Variants in CLSTN1 observed in about 807,000 individuals in gnomAD.
CLSTN1 encodes the protein calsyntenin-1.
CLSTN1 carries 28 observed loss-of-function variants against 108.3 expected under a neutral mutation model. That is an observed-to-expected ratio of 0.26 (90% CI 0.19 to 0.35). The LOEUF (loss-of-function observed/expected upper bound fraction) is 0.35, where lower values mean the gene tolerates loss of function less well. Among genes scored for constraint, CLSTN1 ranks in the 10% least tolerant of loss-of-function variants. The pLI is 1.00. For synonymous variants in CLSTN1, 524 were observed against 534.9 expected (o/e 0.98, Z 0.28); for missense variants, 1,157 against 1,302.6 (o/e 0.89, Z 1.72).
Position 9,743,943 on chromosome 1 carries a change from G to C in CLSTN1, c.1297C>G (p.Gln433Glu). 1.9e-6 allele frequency: 3 copies of C among 1,614,194 alleles called. 1 individual carries two copies. The South Asian group carries it at 3.3e-5, about 18-fold the overall frequency. The change falls in exon 9 of 19, where the codon CAG becomes GAG. Residue 433 changes from glutamine (Q) to glutamate (E), a missense_variant. Coordinates refer to ENST00000377298, the MANE Select transcript of CLSTN1 (RefSeq NM_001009566.3). ...TATTTCTTCTCCTCAGAAGGATCCT[G>C]ACGGAAGAGGAAGATCAGCCGGCAC... ...HGCRLIFLFR[Q>E]DPSEEKKYRP...
rs1349486575 is a variant in CLSTN1, at chr1:9,733,424, T to G, written c.2404A>C (p.Ile802Leu). The change falls in exon 16 of 19, where the codon ATC becomes CTC. Residue 802 changes from isoleucine (I) to leucine (L), a missense_variant. Ile to Leu is a conservative substitution (Grantham distance 5). Coordinates refer to ENST00000377298, the MANE Select transcript of CLSTN1 (RefSeq NM_001009566.3). ...LICSELNGRYISNEFKVEVNV... is the reference protein window; with the variant it reads ...LICSELNGRYLSNEFKVEVNV... Reference sequence around the variant, plus strand: ...ACCTCCACCTTAAATTCGTTGCTGATGTAGCGGCCATTCAGCTCTGAGCAG... The same window carrying G: ...ACCTCCACCTTAAATTCGTTGCTGAGGTAGCGGCCATTCAGCTCTGAGCAG... 1.2e-6 allele frequency: 2 copies of G among 1,614,212 alleles called. No homozygotes were observed. The highest frequency in any genetic ancestry group is 4.5e-5 in the East Asian group (2 of 44,882).
chr1:9,803,120 G>A lies in CLSTN1; in HGVS notation c.91+20523C>T, dbSNP rs183595470. Among the ~76,000 whole-genome samples, 4 of 152,262 alleles carry A rather than the reference G, an allele frequency of 2.6e-5. No individual in the cohort carries two copies. In the East Asian group the frequency reaches 7.7e-4, roughly 29 times the overall value. Reference sequence around the variant, plus strand: ...TTACAGGCATAAGCCACCACGCCCAGCTAAAAGTACTTAACATTCTAATGC... The same window carrying A: ...TTACAGGCATAAGCCACCACGCCCAACTAAAAGTACTTAACATTCTAATGC... On this transcript the variant is annotated intron_variant, in intron 1 of 18. Coordinates refer to ENST00000377298, the MANE Select transcript of CLSTN1 (RefSeq NM_001009566.3).
intron 8 of CLSTN1, 51 bp downstream of exon 8, chr1:9,744,344 C>T (rs756820349): frequency 6.4e-7 from 1 of 1,553,682 alleles, no homozygotes; most frequent in South Asian, 1.2e-5. Context: ...CGCTGGCACC[C>T]ACCCTACTGG....
rs78103608 is a variant in CLSTN1, at chr1:9,741,068, C to T, written c.1519+26G>A. 4.9e-3 allele frequency: 7,919 copies of T among 1,604,070 alleles called. 23 individuals are homozygous for T. Among genetic ancestry groups the T allele is most frequent in the Non-Finnish European group, 6.3e-3 (7,344 of 1,172,926 alleles). ...AAGAGGTACAACTTAATTCTCGAGT[C>T]GAGGGCGGGGGGTAATGACAGGTAC... On this transcript the variant is annotated intron_variant, in intron 10 of 18. Transcript: ENST00000377298.
At chr1:9,785,379 T>G (rs1052571071) in intron 1 of CLSTN1, among the ~76,000 whole-genome samples, 1 of 152,120 alleles carries the variant, frequency 6.6e-6, no homozygotes, top group Non-Finnish European at 1.5e-5. Flanking sequence ...AATCTCTGTA[T>G]GCACAGGTTT....
Position 9,749,822 on chromosome 1 carries a change from G to A in CLSTN1, c.741C>T (p.Ala247=), listed in dbSNP as rs1447623380. 6.2e-7 allele frequency: 1 copy of A among 1,614,144 alleles called. No individual in the cohort carries two copies. The highest frequency in any genetic ancestry group is 1.3e-5 in the African/African-American group (1 of 75,048). ...TGATCTTCACCAAAACATCTTCTGT[G>A]GCTCTTTTCTTCCCACAGTCATAGG... ...VTAYDCGKKR[A]TEDVLVKISI... The change falls in exon 6 of 19, where the codon GCC becomes GCT. Residue 247 remains alanine (A), a synonymous_variant. Coordinates refer to ENST00000377298, the MANE Select transcript of CLSTN1 (RefSeq NM_001009566.3).
intron 2 of CLSTN1, among the ~76,000 whole-genome samples, chr1:9,765,793 G>A (rs1208107367): frequency 1.3e-5 from 2 of 151,982 alleles, no homozygotes; most frequent in African/African-American, 4.8e-5. Context: ...TGAGGCAGGA[G>A]AATCGCTTGA....
chr1:9,742,973 T>C (rs1651055940), intron 9 of CLSTN1, among the ~76,000 whole-genome samples: 1 of 152,156 alleles, frequency 6.6e-6, no homozygotes, highest in South Asian at 2.1e-4. Context: ...TATCATATAC[T>C]TTTTCCTTTC....
chr1:9,764,959 C>A (rs1201468034), intron 2 of CLSTN1, among the ~76,000 whole-genome samples: 1 of 152,184 alleles, frequency 6.6e-6, no homozygotes, highest in Non-Finnish European at 1.5e-5. Context: ...CCATTCAAGT[C>A]AATCACGGTT....
chr1:9,802,146 G>T (rs569984323), intron 1 of CLSTN1, among the ~76,000 whole-genome samples: 10 of 152,254 alleles, frequency 6.6e-5, no homozygotes, highest in African/African-American at 2.4e-4. Flanking sequence ...CAGACTTGGG[G>T]TCTGAACCTC....
At chr1:9,812,453 T>C (rs1654798841) in intron 1 of CLSTN1, among the ~76,000 whole-genome samples, 1 of 152,164 alleles carries the variant, frequency 6.6e-6, no homozygotes, top group East Asian at 1.9e-4. Context: ...GGCCCACAAT[T>C]TGACTATTAA....
chr1:9,803,520 C>T (rs1654375145), intron 1 of CLSTN1, among the ~76,000 whole-genome samples: 2 of 152,122 alleles, frequency 1.3e-5, no homozygotes, highest in South Asian at 2.1e-4. Flanking sequence ...AAATGTTTTA[C>T]GGCCGGGCGC....
At chr1:9,793,572 G>C (rs1653862041) in intron 1 of CLSTN1, among the ~76,000 whole-genome samples, 1 of 151,534 alleles carries the variant, frequency 6.6e-6, no homozygotes, top group East Asian at 2.0e-4. Context: ...CATGAATGGA[G>C]GCCATTCGAA....
chr1:9,747,944 T>C (rs1484935452), intron 7 of CLSTN1, among the ~76,000 whole-genome samples: 1 of 151,246 alleles, frequency 6.6e-6, no homozygotes, highest in Non-Finnish European at 1.5e-5. Context: ...CTCGGGAGGC[T>C]GAGGCGGGAG....
At chr1:9,752,256 T>C (rs1570453138) in intron 4 of CLSTN1, among the ~76,000 whole-genome samples, 2 of 152,276 alleles carry the variant, frequency 1.3e-5, no homozygotes, top group South Asian at 2.1e-4. Flanking sequence ...CGTTGCCACC[T>C]GCCAATACCC....
chr1:9,762,355 G>C (rs1652113856), intron 2 of CLSTN1, among the ~76,000 whole-genome samples: 1 of 152,084 alleles, frequency 6.6e-6, no homozygotes, highest in Non-Finnish European at 1.5e-5. Context: ...CAGCTACTCA[G>C]GAGGCTGAGG....
chr1:9,788,485 T>C (rs940311897), intron 1 of CLSTN1, among the ~76,000 whole-genome samples: 8 of 150,818 alleles, frequency 5.3e-5, no homozygotes, highest in African/African-American at 1.9e-4. Flanking sequence ...GGACAATCGC[T>C]TGAACCCAGG....
chr1:9,744,721 G>C, intron 7 of CLSTN1, 78 bp from the exon 8 acceptor site: 1 of 1,459,432 alleles, frequency 6.9e-7, no homozygotes, highest in Non-Finnish European at 9.1e-7. Context: ...GCACGTGCTT[G>C]TCTTACACTT....
chr1:9,746,716 GA>G (rs1210965219), intron 7 of CLSTN1, among the ~76,000 whole-genome samples: 25 of 139,068 alleles, frequency 1.8e-4, no homozygotes, highest in African/African-American at 2.9e-4. Flanking sequence ...TGTCTCAAAA[GA>G]AAAAAAAAAA....
Sources: gnomAD v4.1 joint callset for allele counts (sites outside exome capture counted in the v4.1 genomes callset) on GRCh38, gnomAD v4.1.1 for gene constraint, MANE v1.5 for transcripts, NCBI Gene and HGNC (gene_info 2026-07-23, HGNC 2026-07-21) for gene names.